SEC24B: variants seen among roughly 807,000 people sequenced by gnomAD.
SEC24B encodes protein transport protein Sec24B.
SEC24B carries 45 observed loss-of-function variants against 142.8 expected under a neutral mutation model. The observed-to-expected ratio is 0.32, with a 90% CI of 0.25 to 0.40. SEC24B has a LOEUF of 0.40. Among genes scored for constraint, SEC24B ranks in the 10% least tolerant of loss-of-function variants. The pLI is 1.00. For missense variants in SEC24B, 1,409 were observed against 1,526.8 expected (o/e 0.92, Z 1.29); for synonymous variants, 574 against 568.2 (o/e 1.01, Z -0.15).
intron 4 of SEC24B, among the ~76,000 whole-genome samples, chr4:109,488,155 T>C (rs568259840): frequency 6.6e-6 from 1 of 152,316 alleles, no homozygotes; most frequent in African/African-American, 2.4e-5. Context: ...AGTTGTGCTG[T>C]TCTGCAGTTT....
intron 6 of SEC24B, among the ~76,000 whole-genome samples, chr4:109,503,296 T>C (rs969845116): frequency 2.0e-5 from 3 of 151,654 alleles, no homozygotes; most frequent in Non-Finnish European, 4.4e-5. Flanking sequence ...CGATCTCGGC[T>C]CACTGCAACC....
intron 2 of SEC24B, 151 bp from the exon 3 acceptor site, chr4:109,472,853 A>G: frequency 4.0e-6 from 1 of 251,574 alleles, no homozygotes; most frequent in Non-Finnish European, 7.0e-6. Flanking sequence ...AGTTTCTACA[A>G]GAACTTCAGA....
At chr4:109,464,792 G>A (rs1731684153) in intron 2 of SEC24B, among the ~76,000 whole-genome samples, 1 of 152,264 alleles carries the variant, frequency 6.6e-6, no homozygotes, top group South Asian at 2.1e-4. Flanking sequence ...GACCCAAGCT[G>A]TACATTTGAG....
chr4:109,456,336 T>G (rs989763300), intron 1 of SEC24B, among the ~76,000 whole-genome samples: 26 of 146,660 alleles, frequency 1.8e-4, no homozygotes, highest in Admixed American at 3.4e-4. Context: ...TTTTTTTTGT[T>G]TTTTTTTTTT....
chr4:109,461,339 A>C (rs1294976157), intron 1 of SEC24B, among the ~76,000 whole-genome samples: 1 of 152,212 alleles, frequency 6.6e-6, no homozygotes, highest in Non-Finnish European at 1.5e-5. Flanking sequence ...AATTTTAAAA[A>C]CATAAACCTT....
chr4:109,501,436 C>T (rs1736133047), intron 6 of SEC24B, among the ~76,000 whole-genome samples: 1 of 152,196 alleles, frequency 6.6e-6, no homozygotes, highest in Non-Finnish European at 1.5e-5. Flanking sequence ...TTAACTATTT[C>T]CTTAAGTGGA....
chr4:109,515,908 C>T (rs1444370615), intron 10 of SEC24B, among the ~76,000 whole-genome samples: 1 of 142,584 alleles, frequency 7.0e-6, no homozygotes, highest in South Asian at 2.6e-4. Context: ...ATTAGCTCTG[C>T]GTGGAGGCAT....
intron 1 of SEC24B, among the ~76,000 whole-genome samples, chr4:109,438,429 A>T (rs752895156): frequency 6.6e-6 from 1 of 152,034 alleles, no homozygotes; most frequent in Non-Finnish European, 1.5e-5. Context: ...TCTTCCCACC[A>T]TGGCTTCCTG....
chr4:109,475,177 A>G (rs1463295264), intron 3 of SEC24B, among the ~76,000 whole-genome samples: 1 of 152,226 alleles, frequency 6.6e-6, no homozygotes, highest in African/African-American at 2.4e-5. Context: ...AGAAAATATC[A>G]TACTGGGGAC....
intron 3 of SEC24B, among the ~76,000 whole-genome samples, chr4:109,480,570 C>T (rs1733635878): frequency 1.3e-5 from 2 of 152,172 alleles, no homozygotes; most frequent in South Asian, 4.1e-4. Flanking sequence ...CAACCTCTGC[C>T]TCCCAGCAGA....
Position 109,450,013 on chromosome 4 carries a change from G to A in SEC24B, c.134-12888G>A, listed in dbSNP as rs531685897. Among the ~76,000 whole-genome samples the A allele has an allele frequency of 2.6e-5, 4 of 152,150 alleles. No homozygotes were observed. The South Asian group carries it at 6.2e-4, about 24-fold the overall frequency. On this transcript the variant is annotated intron_variant, in intron 1 of 23. Coordinates refer to ENST00000265175, the MANE Select transcript of SEC24B (RefSeq NM_006323.5). ...GAAGATTACTTGAGGCCAGGAGTTC[G>A]AGACCAGCCTGGCTAACATAGACCT...
intron 16 of SEC24B, 119 bp downstream of exon 16, chr4:109,525,623 T>G: frequency 1.7e-6 from 1 of 578,798 alleles, no homozygotes; most frequent in Non-Finnish European, 2.8e-6. Flanking sequence ...TCATTAGCTA[T>G]ACCATGTTTT....
At chr4:109,535,711 G>A (rs1259648352) in intron 22 of SEC24B, among the ~76,000 whole-genome samples, 1 of 152,052 alleles carries the variant, frequency 6.6e-6, no homozygotes, top group Non-Finnish European at 1.5e-5. Context: ...AATTAGCTGG[G>A]CGTGGTGGCA....
intron 19 of SEC24B, among the ~76,000 whole-genome samples, 154 bp downstream of exon 19, chr4:109,530,618 G>A (rs960626525): frequency 6.6e-6 from 1 of 151,980 alleles, no homozygotes; most frequent in Admixed American, 6.6e-5. Context: ...AAAGATCAAT[G>A]GGGCCATGCA....
At chr4:109,438,984 A>G (rs1012427877) in intron 1 of SEC24B, among the ~76,000 whole-genome samples, 1 of 152,210 alleles carries the variant, frequency 6.6e-6, no homozygotes, top group Non-Finnish European at 1.5e-5. Context: ...TAGCCTGGTA[A>G]TGAACTTGTT....
chr4:109,447,037 A>G (rs1729540779), intron 1 of SEC24B, among the ~76,000 whole-genome samples: 1 of 152,158 alleles, frequency 6.6e-6, no homozygotes, highest in African/African-American at 2.4e-5. Context: ...AATATTATAT[A>G]ATGGCATGCA....
chr4:109,484,842 ACT>A (rs1360202680), intron 4 of SEC24B, among the ~76,000 whole-genome samples: 1 of 135,780 alleles, frequency 7.4e-6, no homozygotes, highest in Non-Finnish European at 1.5e-5. Context: ...GCAGAGTGAG[ACT>A]CTGTCTCAAA....
At chr4:109,455,023 A>G (rs1730516923) in intron 1 of SEC24B, among the ~76,000 whole-genome samples, 1 of 152,186 alleles carries the variant, frequency 6.6e-6, no homozygotes, top group Non-Finnish European at 1.5e-5. Flanking sequence ...TGTTGAACCT[A>G]AGGATAAAAA....
chr4:109,435,967 A>G (rs1184407248), intron 1 of SEC24B, among the ~76,000 whole-genome samples: 4 of 152,188 alleles, frequency 2.6e-5, no homozygotes, highest in Admixed American at 2.0e-4. Context: ...GCATGCTTGG[A>G]AAGTGGAAGG....
Sources: gnomAD v4.1 joint callset for allele counts (sites outside exome capture counted in the v4.1 genomes callset) on GRCh38, gnomAD v4.1.1 for gene constraint, MANE v1.5 for transcripts, NCBI Gene and HGNC (gene_info 2026-07-23, HGNC 2026-07-21) for gene names.